The following WARS2 variants were observed in gnomAD, a reference collection of about 807,000 sequenced individuals.
WARS2 encodes tryptophan--tRNA ligase, mitochondrial.
A neutral mutation model predicts 36.5 loss-of-function variants in WARS2; 28 were observed. The ratio of observed to expected loss-of-function variants is 0.77; its 90% CI spans 0.57 to 1.05. WARS2 has a LOEUF of 1.05. Among genes scored for constraint, WARS2 ranks in the 50% least tolerant of loss-of-function variants. The pLI is 0.00. For missense variants in WARS2, 435 were observed against 456.8 expected (o/e 0.95, Z 0.44); for synonymous variants, 174 against 178.4 (o/e 0.98, Z 0.20).
chr1:119,080,781 G>T (rs1290248699), intron 1 of WARS2, among the ~76,000 whole-genome samples: 1 of 152,152 alleles, frequency 6.6e-6, no homozygotes, highest in Non-Finnish European at 1.5e-5. Context: ...GTGTTCAAAA[G>T]CACTAGAGTT....
intron 1 of WARS2, among the ~76,000 whole-genome samples, chr1:119,084,454 A>G (rs1384862431): frequency 2.0e-5 from 3 of 152,226 alleles, no homozygotes; most frequent in Admixed American, 2.0e-4. Flanking sequence ...TTTCACCTCA[A>G]TACAAATAAA....
chr1:119,088,459 C>G (rs1055259155), intron 1 of WARS2, among the ~76,000 whole-genome samples: 206 of 133,624 alleles, frequency 1.5e-3, no homozygotes, highest in Non-Finnish European at 1.9e-3. Flanking sequence ...CACACACACA[C>G]ACACACACAA....
rs560419763 is a variant in WARS2 at position 119,041,300 on chromosome 1, T to C, written c.515+964A>G. Among the ~76,000 whole-genome samples the C allele has an allele frequency of 6.6e-5, 10 of 152,264 alleles. No individual in the cohort carries two copies. The South Asian group carries it at 1.9e-3, about 28-fold the overall frequency. ...AGCACATGCCAATTGGGAGGCTTTA[T>C]CTCTAGAAGGCCAAATGGGGGTCAA... On this transcript the variant is annotated intron_variant, in intron 4 of 5. Coordinates refer to ENST00000235521, the MANE Select transcript of WARS2 (RefSeq NM_015836.4).
At chr1:119,095,361 G>T (rs1402206587) in intron 1 of WARS2, among the ~76,000 whole-genome samples, 1 of 152,068 alleles carries the variant, frequency 6.6e-6, no homozygotes, top group East Asian at 1.9e-4. Context: ...CATTCCCATT[G>T]GTTTATAGTA....
intron 1 of WARS2, among the ~76,000 whole-genome samples, chr1:119,092,899 A>C (rs953414722): frequency 1.3e-5 from 2 of 152,190 alleles, no homozygotes; most frequent in Admixed American, 1.3e-4. Context: ...TCATTTCTCC[A>C]TCTCCATCAA....
chr1:119,055,654 C>A lies in WARS2; in HGVS notation c.349-9992G>T, dbSNP rs536075205. On this transcript the variant is annotated intron_variant, in intron 2 of 5. Coordinates refer to ENST00000235521, the MANE Select transcript of WARS2 (RefSeq NM_015836.4). ...GATAGTCTGTCCCAAAAAGAAAAAA[C>A]AAACAAACAAAAAACAGAGAAGAAA... Among the ~76,000 whole-genome samples the A allele has an allele frequency of 3.2e-3, 430 of 134,572 alleles. 9 individuals are homozygous for A. Among genetic ancestry groups the A allele is most frequent in the Non-Finnish European group, 2.9e-4 (18 of 62,180 alleles). 88.3% of individuals were successfully genotyped at this position (134,572 alleles called of 152,430 possible). A position where few individuals can be genotyped will look rare whatever the true frequency, so the allele number is the denominator to read the frequency against.
chr1:119,098,245 T>C (rs910585164), intron 1 of WARS2, among the ~76,000 whole-genome samples: 7 of 151,868 alleles, frequency 4.6e-5, no homozygotes, highest in Non-Finnish European at 8.8e-5. Context: ...CGAGACACCG[T>C]CTCAAAACAA....
At chr1:119,122,937 GAAGA>G (rs1286851781) in intron 1 of WARS2, among the ~76,000 whole-genome samples, 1 of 152,072 alleles carries the variant, frequency 6.6e-6, no homozygotes, top group East Asian at 1.9e-4. Flanking sequence ...GAGAAATTGA[GAAGA>G]AAAAATCAGC....
chr1:119,123,777 C>G (rs976258976), intron 1 of WARS2, among the ~76,000 whole-genome samples: 1 of 151,860 alleles, frequency 6.6e-6, no homozygotes, highest in African/African-American at 2.4e-5. Context: ...AGTACTTGAA[C>G]CACCCCTCCC....
intron 1 of WARS2, among the ~76,000 whole-genome samples, chr1:119,112,777 T>C (rs1338110901): frequency 1.3e-5 from 2 of 152,076 alleles, no homozygotes; most frequent in Non-Finnish European, 2.9e-5. Flanking sequence ...CCATTTCCAG[T>C]TTTTGTTCTG....
At chr1:119,127,111 C>T (rs1655720158) in intron 1 of WARS2, 1 of 735,062 alleles carries the variant, frequency 1.4e-6, no homozygotes, top group Non-Finnish European at 2.5e-6. Flanking sequence ...CCCTCAAAGC[C>T]ATCAGATGCA....
intron 1 of WARS2, among the ~76,000 whole-genome samples, chr1:119,095,656 C>T (rs1321306068): frequency 6.6e-6 from 1 of 152,192 alleles, no homozygotes; most frequent in East Asian, 1.9e-4. Context: ...TGGTCTTGAA[C>T]TCCTGACCTC....
chr1:119,049,248 A>G (rs1295356430), intron 2 of WARS2, among the ~76,000 whole-genome samples: 1 of 152,136 alleles, frequency 6.6e-6, no homozygotes, highest in African/African-American at 2.4e-5. Flanking sequence ...GGGCAGTCGG[A>G]GGACAACCTG....
intron 2 of WARS2, among the ~76,000 whole-genome samples, chr1:119,069,553 C>T (rs1651136899): frequency 2.0e-5 from 3 of 152,066 alleles, no homozygotes; most frequent in Admixed American, 6.6e-5. Context: ...ATTTTTTCTT[C>T]AGCTTTAAAG....
At chr1:119,051,099 A>G (rs1348733630) in intron 2 of WARS2, among the ~76,000 whole-genome samples, 2 of 152,110 alleles carry the variant, frequency 1.3e-5, no homozygotes, top group Non-Finnish European at 2.9e-5. Context: ...CTCATGTCAC[A>G]GGGGTTTGGT....
intron 2 of WARS2, among the ~76,000 whole-genome samples, chr1:119,069,391 C>T (rs1214199071): frequency 1.3e-5 from 2 of 152,014 alleles, no homozygotes; most frequent in Admixed American, 1.3e-4. Context: ...ATTTAATGAT[C>T]AATTAAATGC....
At chr1:119,085,444 T>C (rs1652570306) in intron 1 of WARS2, 1 of 1,503,284 alleles carries the variant, frequency 6.7e-7, no homozygotes, top group Non-Finnish European at 9.0e-7. Flanking sequence ...TCCCAGTCAG[T>C]TGTCTCTTTT....
chr1:119,131,173 G>A (rs1262891089), intron 1 of WARS2, among the ~76,000 whole-genome samples: 1 of 152,130 alleles, frequency 6.6e-6, no homozygotes, highest in Non-Finnish European at 1.5e-5. Context: ...CGATATCTGA[G>A]GTTTTTTGGT....
intron 1 of WARS2, among the ~76,000 whole-genome samples, chr1:119,080,443 TA>T (rs888503737): frequency 4.6e-5 from 7 of 152,200 alleles, no homozygotes; most frequent in South Asian, 2.1e-4. Flanking sequence ...AGAAATGATC[TA>T]ATACATCTTT....
Sources: allele counts gnomAD v4.1 joint callset (sites outside exome capture counted in the v4.1 genomes callset), GRCh38; gene constraint gnomAD v4.1.1; transcripts MANE v1.5; gene names NCBI Gene and HGNC (gene_info 2026-07-23, HGNC 2026-07-21).